The following KHDRBS3 variants were observed in gnomAD, a reference collection of about 807,000 sequenced individuals.
KHDRBS3 encodes the protein KH RNA binding domain containing, signal transduction associated 3.
A neutral mutation model predicts 45.6 loss-of-function variants in KHDRBS3; 23 were observed. That is an observed-to-expected ratio of 0.50 (90% CI 0.36 to 0.72). The LOEUF (loss-of-function observed/expected upper bound fraction) is 0.72, where lower values mean the gene tolerates loss of function less well. KHDRBS3 is among the 30% of genes least tolerant of loss of function. KHDRBS3 has a pLI of 0.00. For missense variants in KHDRBS3, 352 were observed against 424.8 expected (o/e 0.83, Z 1.51); for synonymous variants, 162 against 156.5 (o/e 1.04, Z -0.26).
chr8:135,481,250 A>ATATATATATATATATATT (rs1285436029), intron 1 of KHDRBS3, among the ~76,000 whole-genome samples: 19 of 125,548 alleles, frequency 1.5e-4, no homozygotes, highest in South Asian at 4.8e-4. Flanking sequence ...ATATATATAT[A>ATATATATATATATATATT]TTTAATGTAA....
intron 1 of KHDRBS3, among the ~76,000 whole-genome samples, chr8:135,511,986 A>AT (rs1824313101): frequency 6.6e-6 from 1 of 152,194 alleles, no homozygotes; most frequent in Non-Finnish European, 1.5e-5. Context: ...TTAGACTGAT[A>AT]TGTGTCTCTA....
chr8:135,611,415 A>T (rs1281656803), intron 7 of KHDRBS3, among the ~76,000 whole-genome samples: 1 of 151,954 alleles, frequency 6.6e-6, no homozygotes, highest in African/African-American at 2.4e-5. Context: ...CTTAGCTTAC[A>T]CTGAATAACT....
chr8:135,559,656 C>G (rs542910463), intron 5 of KHDRBS3, among the ~76,000 whole-genome samples: 2 of 152,126 alleles, frequency 1.3e-5, no homozygotes, highest in Non-Finnish European at 2.9e-5. Context: ...CCACCATGCC[C>G]GGCCAACAAA....
chr8:135,495,746 C>T, intron 1 of KHDRBS3, among the ~76,000 whole-genome samples: 1 of 152,192 alleles, frequency 6.6e-6, no homozygotes, highest in South Asian at 2.1e-4. Flanking sequence ...CAGTTTAGTG[C>T]CAGGTCTATG....
intron 5 of KHDRBS3, among the ~76,000 whole-genome samples, chr8:135,575,341 A>G (rs1827902459): frequency 6.6e-6 from 1 of 152,104 alleles, no homozygotes; most frequent in South Asian, 2.1e-4. Flanking sequence ...CCCCAGCTCC[A>G]TAGAGCTCGT....
At chr8:135,537,576 T>A (rs1311491756) in intron 2 of KHDRBS3, among the ~76,000 whole-genome samples, 1 of 152,178 alleles carries the variant, frequency 6.6e-6, no homozygotes, top group African/African-American at 2.4e-5. Flanking sequence ...GAAAACCAAC[T>A]CAGGGTATGT....
intron 1 of KHDRBS3, among the ~76,000 whole-genome samples, chr8:135,469,806 C>T (rs1035301303): frequency 5.3e-5 from 8 of 152,146 alleles, no homozygotes; most frequent in African/African-American, 1.9e-4. Flanking sequence ...GGATTACAGG[C>T]GTGAGCCACC....
chr8:135,508,039 C>T lies in KHDRBS3; in HGVS notation c.89-13198C>T, dbSNP rs767875103. Among the ~76,000 whole-genome samples, 16 of 152,194 alleles carry T rather than the reference C, an allele frequency of 1.1e-4. 1 individual carries two copies. In the South Asian group the frequency reaches 1.5e-3, roughly 14 times the overall value. On this transcript the variant is annotated intron_variant, in intron 1 of 8. Coordinates refer to ENST00000355849, the MANE Select transcript of KHDRBS3 (RefSeq NM_006558.3). Reference sequence around the variant, plus strand: ...AGTGACCCCCTTTAATATCATCATACGGAAAATATGATTTAATGTCTTAAG... The same window carrying T: ...AGTGACCCCCTTTAATATCATCATATGGAAAATATGATTTAATGTCTTAAG...
downstream of KHDRBS3, among the ~76,000 whole-genome samples, chr8:135,650,875 C>T (rs1273343154): frequency 6.6e-6 from 1 of 152,186 alleles, no homozygotes; most frequent in Non-Finnish European, 1.5e-5. Context: ...TTCTTATACT[C>T]AGGTATTCCA....
At chr8:135,567,166 GC>G (rs1827464761) in intron 5 of KHDRBS3, among the ~76,000 whole-genome samples, 1 of 152,032 alleles carries the variant, frequency 6.6e-6, no homozygotes, top group Admixed American at 6.6e-5. Flanking sequence ...GTGCCAAAGA[GC>G]TTTTAAGCTA....
At chr8:135,580,861 C>T (rs1385200418) in intron 5 of KHDRBS3, among the ~76,000 whole-genome samples, 2 of 152,176 alleles carry the variant, frequency 1.3e-5, no homozygotes, top group Non-Finnish European at 2.9e-5. Flanking sequence ...GATCCACCTG[C>T]CTTGGCCTCC....
intron 1 of KHDRBS3, among the ~76,000 whole-genome samples, chr8:135,494,893 G>T (rs1435606906): frequency 6.6e-6 from 1 of 152,224 alleles, no homozygotes; most frequent in East Asian, 1.9e-4. Flanking sequence ...TTGATTGTGA[G>T]GGTTACTGAC....
chr8:135,535,831 T>A (rs1306435174), intron 2 of KHDRBS3, among the ~76,000 whole-genome samples: 4 of 152,154 alleles, frequency 2.6e-5, no homozygotes. Flanking sequence ...GTTTACTGTG[T>A]GGCGAGGGCA....
chr8:135,518,347 T>C (rs1197677897), intron 1 of KHDRBS3, among the ~76,000 whole-genome samples: 1 of 152,096 alleles, frequency 6.6e-6, no homozygotes, highest in Non-Finnish European at 1.5e-5. Flanking sequence ...TAATTTTTTG[T>C]ATTTTTTAGT....
At chr8:135,467,202 C>G (rs72732347) in intron 1 of KHDRBS3, among the ~76,000 whole-genome samples, 61 of 152,328 alleles carry the variant, frequency 4.0e-4, no homozygotes, top group Non-Finnish European at 7.8e-4. Context: ...AAATTTTTAA[C>G]ATAGAATATA....
At chr8:135,513,531 G>A (rs1258811337) in intron 1 of KHDRBS3, among the ~76,000 whole-genome samples, 1 of 152,128 alleles carries the variant, frequency 6.6e-6, no homozygotes, top group African/African-American at 2.4e-5. Flanking sequence ...AGCAGTTGGA[G>A]TCTGGCTGCA....
chr8:135,524,097 C>A (rs960227941), intron 2 of KHDRBS3, among the ~76,000 whole-genome samples: 1 of 152,114 alleles, frequency 6.6e-6, no homozygotes, highest in Non-Finnish European at 1.5e-5. Context: ...CTCACTGCAA[C>A]CTCCATCTCC....
At chr8:135,503,440 T>A (rs1286689958) in intron 1 of KHDRBS3, among the ~76,000 whole-genome samples, 1 of 152,176 alleles carries the variant, frequency 6.6e-6, no homozygotes, top group East Asian at 1.9e-4. Flanking sequence ...AAGTTCCCTG[T>A]AATGACCCTT....
At chr8:135,487,870 G>A (rs1822942984) in intron 1 of KHDRBS3, among the ~76,000 whole-genome samples, 1 of 152,200 alleles carries the variant, frequency 6.6e-6, no homozygotes, top group Non-Finnish European at 1.5e-5. Context: ...CTAAAAGCAA[G>A]CAGAGTAATC....
Sources: gnomAD v4.1 joint callset for allele counts (sites outside exome capture counted in the v4.1 genomes callset) on GRCh38, gnomAD v4.1.1 for gene constraint, MANE v1.5 for transcripts, NCBI Gene and HGNC (gene_info 2026-07-23, HGNC 2026-07-21) for gene names.